KCTD9: variants seen among roughly 807,000 people sequenced by gnomAD.
The protein encoded by KCTD9 is BTB/POZ domain-containing protein KCTD9.
In KCTD9, 17 loss-of-function variants were observed where a neutral mutation model predicts 53.3. The ratio of observed to expected loss-of-function variants is 0.32; its 90% CI spans 0.22 to 0.48. The LOEUF (loss-of-function observed/expected upper bound fraction) is 0.48, where lower values mean the gene tolerates loss of function less well. Ranked by LOEUF, KCTD9 falls within the 20% of genes least tolerant of loss-of-function variation. The pLI, the probability that KCTD9 is intolerant of heterozygous loss-of-function variation, is 0.99. For missense variants in KCTD9, 179 were observed against 465.5 expected (o/e 0.38, Z 5.66); for synonymous variants, 128 against 162.7 (o/e 0.79, Z 1.62).
intron 1 of KCTD9, among the ~76,000 whole-genome samples, chr8:25,447,873 TC>T (rs1802244519): frequency 6.6e-6 from 1 of 152,162 alleles, no homozygotes; most frequent in African/African-American, 2.4e-5. Flanking sequence ...ATGCCTGTAA[TC>T]CCAGCACTTT....
At chr8:25,450,406 T>C (rs1802296879) in intron 1 of KCTD9, 6 of 984,698 alleles carry the variant, frequency 6.1e-6, no homozygotes, top group Middle Eastern at 5.2e-4. Flanking sequence ...CTTTGACAAA[T>C]ATTTCTTGAA....
chr8:25,444,724 A>G (rs998612768), intron 2 of KCTD9, among the ~76,000 whole-genome samples: 10 of 152,092 alleles, frequency 6.6e-5, no homozygotes, highest in Non-Finnish European at 2.9e-5. Flanking sequence ...TGCTTTGGAG[A>G]TGAAATAAAC....
intron 3 of KCTD9, among the ~76,000 whole-genome samples, chr8:25,441,176 CAA>C (rs1305327627): frequency 1.1e-4 from 13 of 113,192 alleles, no homozygotes; most frequent in Admixed American, 9.0e-5. Context: ...ACAACAGAGA[CAA>C]AAAAAAAAAA....
chr8:25,428,708 T>C lies in KCTD9; in HGVS notation c.*1149A>G, dbSNP rs554769524. ...TAAAAGAATCACAGGTGCTGACTGA[T>C]TGATAATTACATCTTGGACCAGCCA... On this transcript the variant is annotated 3_prime_UTR_variant, in exon 12 of 12. Transcript: ENST00000221200. 4 of 152,236 alleles carry C rather than the reference T, an allele frequency of 2.6e-5. No individual in the cohort carries two copies. In the South Asian group the frequency reaches 8.3e-4, roughly 32 times the overall value. The allele number at this position is 152,236 out of a possible 1,614,324, so 9.4% of individuals were successfully genotyped here. A position where few individuals can be genotyped will look rare whatever the true frequency, so the allele number is the denominator to read the frequency against.
At chr8:25,458,066 G>T in intron 1 of KCTD9, 133 bp downstream of exon 1, 3 of 855,258 alleles carry the variant, frequency 3.5e-6, no homozygotes, top group Non-Finnish European at 5.4e-6. Flanking sequence ...TGCTGTCCCC[G>T]AGCGCCCCCA....
At position 25,439,650 on chromosome 8, in the gene KCTD9, T is replaced by G. The variant is rs778794171; in HGVS notation, c.326A>C (p.Asn109Thr). The change falls in exon 5 of 12, where the codon AAT becomes ACT. Residue 109 changes from asparagine to threonine, a missense_variant. By Grantham distance (65) the Asn-to-Thr change is moderately conservative (BLOSUM62 0). Around this residue, in one of 4 missense-constraint regions of KCTD9, gnomAD observed 115 missense variants for 250.9 expected, o/e 0.46. Coordinates refer to ENST00000221200, the MANE Select transcript of KCTD9 (RefSeq NM_017634.4). ...YFTTTRSTLV[N>T]KEPDSMLAHM... Reference sequence around the variant, plus strand: ...GGCCAGCATACTGTCAGGTTCTTTATTCACTAAAGTGCTCCTAAGAATTCA... The same window carrying G: ...GGCCAGCATACTGTCAGGTTCTTTAGTCACTAAAGTGCTCCTAAGAATTCA... 1 of 1,614,070 alleles carries G rather than the reference T, an allele frequency of 6.2e-7. No individual in the cohort carries two copies. Among genetic ancestry groups the G allele is most frequent in the South Asian group, 1.1e-5 (1 of 91,080 alleles).
intron 1 of KCTD9, among the ~76,000 whole-genome samples, 164 bp downstream of exon 1, chr8:25,458,035 G>C (rs1007942790): frequency 5.3e-5 from 8 of 151,820 alleles, no homozygotes; most frequent in Non-Finnish European, 8.8e-5. Context: ...TGAGGGTCGG[G>C]AGGAGGCCGC....
intron 11 of KCTD9, 68 bp downstream of exon 11, chr8:25,432,436 A>G (rs759001688): frequency 5.6e-6 from 8 of 1,421,166 alleles, no homozygotes; most frequent in East Asian, 2.4e-5. Flanking sequence ...TTTGATTTCA[A>G]TAAATTTTGC....
chr8:25,444,567 G>C (rs1802181762), intron 2 of KCTD9, among the ~76,000 whole-genome samples: 1 of 152,100 alleles, frequency 6.6e-6, no homozygotes, highest in South Asian at 2.1e-4. Flanking sequence ...GAAATGTGGG[G>C]AAAAAAATCT....
At chr8:25,454,614 A>G (rs1158031801) in intron 1 of KCTD9, among the ~76,000 whole-genome samples, 3 of 152,252 alleles carry the variant, frequency 2.0e-5, no homozygotes, top group African/African-American at 4.8e-5. Context: ...TACAAACAAC[A>G]TAACTGACTC....
chr8:25,458,092 C>T (rs911464114), intron 1 of KCTD9, 107 bp downstream of exon 1: 6 of 1,152,964 alleles, frequency 5.2e-6, no homozygotes, highest in Non-Finnish European at 7.5e-6. Context: ...CGCACGCCCA[C>T]CTCCCAGCCC....
intron 1 of KCTD9, among the ~76,000 whole-genome samples, chr8:25,449,734 C>A (rs1802282975): frequency 6.6e-6 from 1 of 152,010 alleles, no homozygotes; most frequent in Non-Finnish European, 1.5e-5. Flanking sequence ...TGCTCAACTG[C>A]CACACTGGCT....
chr8:25,443,304 A>G (rs1802156219), intron 3 of KCTD9, among the ~76,000 whole-genome samples: 1 of 152,170 alleles, frequency 6.6e-6, no homozygotes, highest in African/African-American at 2.4e-5. Context: ...AGGTTTTAAG[A>G]TGAACACCAG....
chr8:25,446,565 G>T (rs984859325), intron 1 of KCTD9, among the ~76,000 whole-genome samples: 1 of 152,194 alleles, frequency 6.6e-6, no homozygotes, highest in African/African-American at 2.4e-5. Context: ...TTTTCTAGCT[G>T]TCAACTTGAG....
At chr8:25,435,552 G>A (rs201368879) in intron 8 of KCTD9, 40 bp from the exon 9 acceptor site, 49 of 1,546,492 alleles carry the variant, frequency 3.2e-5, no homozygotes, top group Admixed American at 3.1e-4. Flanking sequence ...TAACTAAATC[G>A]TCTGTTTGTA....
At chr8:25,446,298 T>C in intron 1 of KCTD9, 48 bp from the exon 2 acceptor site, 1 of 1,600,002 alleles carries the variant, frequency 6.2e-7, no homozygotes, top group Non-Finnish European at 8.5e-7. Context: ...ATACATGTTA[T>C]CCCCCATAAG....
chr8:25,451,258 A>G (rs918328328), intron 1 of KCTD9, among the ~76,000 whole-genome samples: 22 of 152,344 alleles, frequency 1.4e-4, no homozygotes, highest in African/African-American at 5.3e-4. Context: ...TAAATTTGTC[A>G]TACATATGGA....
At chr8:25,444,183 C>T in intron 3 of KCTD9, 109 bp downstream of exon 3, 1 of 889,892 alleles carries the variant, frequency 1.1e-6, no homozygotes, top group Non-Finnish European at 1.7e-6. Context: ...TGAATACAGC[C>T]ATAAGATCAT....
intron 3 of KCTD9, 63 bp from the exon 4 acceptor site, chr8:25,440,736 T>C (rs1802106707): frequency 8.5e-7 from 1 of 1,172,496 alleles, no homozygotes; most frequent in East Asian, 2.4e-5. Flanking sequence ...AAGATGGTAA[T>C]GGCATAATTT....
Sources: gnomAD v4.1 joint callset for allele counts (sites outside exome capture counted in the v4.1 genomes callset) on GRCh38, gnomAD v4.1.1 for gene constraint, gnomAD v4.1.1 regional missense constraint, MANE v1.5 for transcripts, NCBI Gene and HGNC (gene_info 2026-07-23, HGNC 2026-07-21) for gene names.